Variants in PAX5 observed in about 807,000 individuals in gnomAD.
The protein encoded by PAX5 is paired box protein Pax-5.
Under a neutral mutation model 43.7 loss-of-function variants are expected in PAX5, and 9 were observed. That is an observed-to-expected ratio of 0.21 (90% CI 0.12 to 0.36). The LOEUF (loss-of-function observed/expected upper bound fraction) is 0.36. Ranked by LOEUF, PAX5 falls within the 10% of genes least tolerant of loss-of-function variation. The pLI is 1.00. For synonymous variants in PAX5, 228 were observed against 214.3 expected, an observed-to-expected ratio of 1.06 and a Z score of -0.56; for missense variants, 383 against 532.7, an observed-to-expected ratio of 0.72 and a Z score of 2.77.
At chr9:36,962,714 C>G (rs150992996) in intron 6 of PAX5, among the ~76,000 whole-genome samples, 1 of 152,198 alleles carries the variant, frequency 6.6e-6, no homozygotes, top group Non-Finnish European at 1.5e-5. Flanking sequence ...TCAAGCTTCC[C>G]GACCCCAAGG....
chr9:36,843,358 T>A (rs924223368), intron 9 of PAX5, among the ~76,000 whole-genome samples: 1 of 152,168 alleles, frequency 6.6e-6, no homozygotes, highest in Non-Finnish European at 1.5e-5. Context: ...CTGGAGCTAT[T>A]TGCAAGGCTG....
chr9:36,844,353 A>C (rs1822360109), intron 9 of PAX5, among the ~76,000 whole-genome samples: 1 of 152,182 alleles, frequency 6.6e-6, no homozygotes, highest in South Asian at 2.1e-4. Context: ...TCCTTCTGCC[A>C]CCTGAATGCT....
Position 37,015,718 on chromosome 9 carries a change from T to C in PAX5, c.213-524A>G, listed in dbSNP as rs953097417. ...CCTCAGCCTCCCGAGTAGCTGGGAT[T>C]ACAGGCATGTGCCACCATGCCCAGC... On this transcript the variant is annotated intron_variant, in intron 2 of 9. Transcript: ENST00000358127. The surrounding 1 kb of genome is among the most constrained non-coding windows in gnomAD (Gnocchi z 4.4). Among the ~76,000 whole-genome samples, 14 of 152,204 alleles carry C rather than the reference T, an allele frequency of 9.2e-5. No individual in the cohort carries two copies. Among genetic ancestry groups the C allele is most frequent in the African/African-American group, 2.9e-4 (12 of 41,456 alleles).
At chr9:36,871,473 C>T (rs368050373) in intron 8 of PAX5, among the ~76,000 whole-genome samples, 1 of 152,332 alleles carries the variant, frequency 6.6e-6, no homozygotes, top group African/African-American at 2.4e-5. Flanking sequence ...CCTCCAGGCC[C>T]ACCTTGACCC....
At chr9:36,864,122 A>G (rs4289895) in intron 8 of PAX5, 100,416 of 152,970 alleles carry the variant, frequency 0.66, 33,161 homozygotes, top group Middle Eastern at 0.75. Context: ...CCGCCCCCCC[A>G]ATAAAAGTGC....
At chr9:37,033,887 GC>G in intron 1 of PAX5, 98 bp downstream of exon 1, 1 of 1,008,470 alleles carries the variant, frequency 9.9e-7, no homozygotes, top group Non-Finnish European at 1.5e-6. Context: ...CTACGAAAAT[GC>G]GGCGCGCCCC....
chr9:37,024,683 C>A (rs963550653), intron 1 of PAX5, among the ~76,000 whole-genome samples: 3 of 152,192 alleles, frequency 2.0e-5, no homozygotes, highest in Non-Finnish European at 4.4e-5. Context: ...TGGGAGGGAG[C>A]ACTTCCCACG....
intron 7 of PAX5, among the ~76,000 whole-genome samples, chr9:36,910,686 TC>T (rs1829196808): frequency 6.6e-6 from 1 of 152,170 alleles, no homozygotes; most frequent in Non-Finnish European, 1.5e-5. Flanking sequence ...GGAAATCACT[TC>T]AACTGAGAAC....
At chr9:36,966,463 A>G (rs867466734) in intron 6 of PAX5, 86 bp downstream of exon 6, 10 of 1,459,456 alleles carry the variant, frequency 6.9e-6, no homozygotes, top group Middle Eastern at 1.8e-4. Context: ...CCTCACCCAC[A>G]CCCCGCCAGA....
intron 1 of PAX5, among the ~76,000 whole-genome samples, chr9:37,032,611 C>A (rs1841093852): frequency 6.6e-6 from 1 of 152,144 alleles, no homozygotes; most frequent in African/African-American, 2.4e-5. Context: ...TAAGTTTATC[C>A]TTTTTGCTCT....
At chr9:37,016,557 CA>C (rs765450455) in intron 2 of PAX5, among the ~76,000 whole-genome samples, 23 of 152,238 alleles carry the variant, frequency 1.5e-4, no homozygotes, top group African/African-American at 2.4e-4. Flanking sequence ...AACATCATTT[CA>C]GGGGGGGATA....
At chr9:36,891,095 C>T (rs1359194001) in intron 7 of PAX5, among the ~76,000 whole-genome samples, 3 of 152,232 alleles carry the variant, frequency 2.0e-5, no homozygotes, top group South Asian at 2.1e-4. Context: ...GCCGAGATTG[C>T]GCCACTGCAC....
intron 9 of PAX5, among the ~76,000 whole-genome samples, chr9:36,843,101 T>C (rs1299053631): frequency 6.6e-6 from 1 of 151,584 alleles, no homozygotes; most frequent in Non-Finnish European, 1.5e-5. Context: ...TGCGTGTGTG[T>C]GTGTGAGTGT....
intron 5 of PAX5, among the ~76,000 whole-genome samples, chr9:36,994,687 T>G (rs930097201): frequency 1.3e-5 from 2 of 152,148 alleles, no homozygotes; most frequent in East Asian, 3.9e-4. Context: ...GGGGAGCGCA[T>G]GAGAACTCGG....
At chr9:36,869,566 C>G (rs1825220448) in intron 8 of PAX5, among the ~76,000 whole-genome samples, 1 of 152,246 alleles carries the variant, frequency 6.6e-6, no homozygotes, top group Admixed American at 6.5e-5. Context: ...TACAGAGATT[C>G]CAAGCCCCTC....
At position 36,840,249 on chromosome 9, in the gene PAX5, CAGCTGGAGGACA is replaced by C; in HGVS notation, c.*299_*310del. On this transcript the variant is annotated 3_prime_UTR_variant, in exon 10 of 10. Coordinates refer to ENST00000358127, the MANE Select transcript of PAX5 (RefSeq NM_016734.3). ...TGGTTATGATGGATGGATAGTCAGA[CAGCTGGAGGACA>C]GGCAGGCTGGGCTGGGGCTGCGGTT... is the stretch of plus-strand genomic sequence containing the variant. The C allele has an allele frequency of 1.9e-6, 1 of 519,738 alleles. No homozygotes were observed. Among genetic ancestry groups the C allele is most frequent in the South Asian group, 2.3e-5 (1 of 43,734 alleles). 32.2% of individuals were successfully genotyped at this position (519,738 alleles called of 1,614,324 possible).
intron 5 of PAX5, among the ~76,000 whole-genome samples, chr9:36,980,108 C>T (rs1028522721): frequency 2.6e-5 from 4 of 152,206 alleles, no homozygotes; most frequent in Admixed American, 6.5e-5. Context: ...ATGGTTCCTT[C>T]GTGGCATTTA....
At chr9:36,901,645 G>T (rs1258075892) in intron 7 of PAX5, among the ~76,000 whole-genome samples, 2 of 152,116 alleles carry the variant, frequency 1.3e-5, no homozygotes, top group Non-Finnish European at 2.9e-5. Context: ...AAAAGGTAGG[G>T]GGGTCTGGGA....
chr9:36,994,756 G>A (rs892337268), intron 5 of PAX5, among the ~76,000 whole-genome samples: 3 of 152,136 alleles, frequency 2.0e-5, no homozygotes, highest in African/African-American at 7.2e-5. Flanking sequence ...GCTGCCCCAG[G>A]GTTGCCAGAT....
Sources: allele counts gnomAD v4.1 joint callset (sites outside exome capture counted in the v4.1 genomes callset), GRCh38; gene constraint gnomAD v4.1.1; non-coding constraint Gnocchi (gnomAD v3.1); transcripts MANE v1.5; gene names NCBI Gene and HGNC (gene_info 2026-07-23, HGNC 2026-07-21).